Variants in C9orf72 observed in about 807,000 individuals in gnomAD.
The protein encoded by C9orf72 is C9orf72-SMCR8 complex subunit, also known as guanine nucleotide exchange factor C9orf72.
In C9orf72, 44 loss-of-function variants were observed where a neutral mutation model predicts 51.6. The observed-to-expected ratio is 0.85, with a 90% confidence interval of 0.67 to 1.10. The LOEUF (loss-of-function observed/expected upper bound fraction) is 1.10. Ranked by LOEUF, C9orf72 falls within the 50% of genes least tolerant of loss-of-function variation. C9orf72 has a pLI of 0.00. For missense variants in C9orf72, 607 were observed against 570.6 expected (o/e 1.06, Z -0.65); for synonymous variants, 213 against 194.2 (o/e 1.10, Z -0.81).
chr9:27,572,128 C>T (rs1350276151), intron 1 of C9orf72, among the ~76,000 whole-genome samples: 1 of 152,180 alleles, frequency 6.6e-6, no homozygotes, highest in Non-Finnish European at 1.5e-5. Context: ...CATAGCCAAA[C>T]AAAATATTTT....
At chr9:27,555,790 T>C (rs1820996424) in intron 8 of C9orf72, among the ~76,000 whole-genome samples, 1 of 152,098 alleles carries the variant, frequency 6.6e-6, no homozygotes, top group Non-Finnish European at 1.5e-5. Context: ...CTGGAACTCC[T>C]GGCCTCAAGT....
At chr9:27,570,588 G>T (rs543705560) in intron 1 of C9orf72, among the ~76,000 whole-genome samples, 1 of 152,172 alleles carries the variant, frequency 6.6e-6, no homozygotes, top group East Asian at 1.9e-4. Flanking sequence ...AAAATGGGCC[G>T]GGCATGGTGG....
At chr9:27,554,827 ATG>A (rs1271565355) in intron 8 of C9orf72, among the ~76,000 whole-genome samples, 17 of 152,224 alleles carry the variant, frequency 1.1e-4, no homozygotes, top group Admixed American at 9.2e-4. Flanking sequence ...GGACAATTTT[ATG>A]TTTAGAAAAT....
At chr9:27,568,353 C>T (rs962341574) in intron 1 of C9orf72, among the ~76,000 whole-genome samples, 1 of 152,092 alleles carries the variant, frequency 6.6e-6, no homozygotes, top group Admixed American at 6.6e-5. Context: ...ATTTAGAACA[C>T]GTAGAAAACA....
chr9:27,567,762 G>A (rs1819501532), intron 1 of C9orf72, among the ~76,000 whole-genome samples: 1 of 152,126 alleles, frequency 6.6e-6, no homozygotes, highest in Non-Finnish European at 1.5e-5. Context: ...TTTATAAGGA[G>A]AGAGATTTGG....
At chr9:27,563,989 T>C (rs1587315723) in intron 3 of C9orf72, among the ~76,000 whole-genome samples, 2 of 152,020 alleles carry the variant, frequency 1.3e-5, no homozygotes, top group East Asian at 1.9e-4. Flanking sequence ...ATAAAGTCGT[T>C]GTGAGATTTG....
chr9:27,568,420 G>A (rs1587320741), intron 1 of C9orf72, among the ~76,000 whole-genome samples: 3 of 152,170 alleles, frequency 2.0e-5, no homozygotes, highest in Non-Finnish European at 4.4e-5. Context: ...ACAGACATGA[G>A]GAGAAGAACA....
At position 27,560,336 on chromosome 9, in the gene C9orf72, A is replaced by C. The variant is rs1011196541; in HGVS notation, c.666-37T>G. Reference sequence around the variant, plus strand: ...AGAAAACAGATTAAAAACATTGCCTATAAAACAATTTAACAAACTAAAAAC... The same window carrying C: ...AGAAAACAGATTAAAAACATTGCCTCTAAAACAATTTAACAAACTAAAAAC... On this transcript the variant is annotated intron_variant, in intron 5 of 10. Transcript: ENST00000380003. 10 of 1,516,660 alleles carry C rather than the reference A, an allele frequency of 6.6e-6. 1 individual carries two copies. The Middle Eastern group carries it at 7.0e-4, about 107-fold the overall frequency. 94.0% of individuals were successfully genotyped at this position (1,516,660 alleles called of 1,614,324 possible).
intron 1 of C9orf72, chr9:27,571,100 A>G (rs1045697546): frequency 1.3e-5 from 2 of 152,214 alleles, no homozygotes; most frequent in Admixed American, 1.3e-4. Flanking sequence ...AAATCAGCTC[A>G]AAACCAATAG....
At chr9:27,564,400 A>T (rs1819419906) in intron 3 of C9orf72, among the ~76,000 whole-genome samples, 1 of 152,178 alleles carries the variant, frequency 6.6e-6, no homozygotes, top group African/African-American at 2.4e-5. Flanking sequence ...GTTGGTTCTA[A>T]GTTTCCTCAA....
chr9:27,553,102 CATAG>C (rs1308056675), intron 8 of C9orf72, among the ~76,000 whole-genome samples: 2 of 152,084 alleles, frequency 1.3e-5, no homozygotes, highest in Admixed American at 6.5e-5. Flanking sequence ...ATTCCATATT[CATAG>C]ATAGGAAGAA....
rs912288161 is a variant in C9orf72 at position 27,562,469 on chromosome 9, C to T, written c.512G>A (p.Ser171Asn). The change falls in exon 4 of 11, where the codon AGT (serine) becomes AAT (asparagine). Residue 171 changes from serine (S) to asparagine (N), a missense_variant. Transcript: ENST00000380003. Reference protein sequence around the residue: ...GTERMEDQGQSIIPMLTGEVI... With the variant: ...GTERMEDQGQNIIPMLTGEVI... The stretch of plus-strand genomic sequence containing the variant: ...TTCTCCAGTAAGCATTGGAATAATA[C>T]TCTGACCCTGCACAATAAAGTGACA... 18 of 1,553,590 alleles carry T rather than the reference C, an allele frequency of 1.2e-5. No homozygotes were observed. Among genetic ancestry groups the T allele is most frequent in the Middle Eastern group, 1.7e-4 (1 of 5,904 alleles).
Position 27,568,382 on chromosome 9 carries a change from C to T in C9orf72, c.-44-1218G>A, listed in dbSNP as rs145808345. 5.0e-4 allele frequency among the ~76,000 whole-genome samples: 76 copies of T among 152,212 alleles called. No individual in the cohort carries two copies. In the East Asian group the frequency reaches 8.5e-3, roughly 17 times the overall value. On this transcript the variant is annotated intron_variant, in intron 1 of 10. Coordinates refer to ENST00000380003, the MANE Select transcript of C9orf72 (RefSeq NM_018325.5). ...GAAAACAGAAGGGCTAAATAGGGCC[C>T]GTTCAAGCCTTTGAATTTAATGAGA... is the stretch of plus-strand genomic sequence containing the variant.
chr9:27,572,699 C>T (rs766504266), intron 1 of C9orf72, among the ~76,000 whole-genome samples: 1 of 152,114 alleles, frequency 6.6e-6, no homozygotes, highest in African/African-American at 2.4e-5. Flanking sequence ...TGGTGTTCAA[C>T]GCGGCCAGAT....
intron 1 of C9orf72, among the ~76,000 whole-genome samples, chr9:27,570,904 T>C (rs1258661444): frequency 6.7e-6 from 1 of 148,410 alleles, no homozygotes; most frequent in Non-Finnish European, 1.5e-5. Context: ...ACAAAAAGAA[T>C]AAGAAAGAAA....
At chr9:27,549,323 T>C (rs1176533641) in intron 9 of C9orf72, among the ~76,000 whole-genome samples, 1 of 152,192 alleles carries the variant, frequency 6.6e-6, no homozygotes, top group Non-Finnish European at 1.5e-5. Context: ...AAGATGAGCC[T>C]ATGGTTTTGA....
Position 27,548,434 on chromosome 9 carries a change from G to GCA in C9orf72, c.1260-13_1260-12insTG. 1 of 80,730 alleles carries GCA rather than the reference G, an allele frequency of 1.2e-5. No homozygotes were observed. Among genetic ancestry groups the GCA allele is most frequent in the Non-Finnish European group, 1.9e-5 (1 of 52,382 alleles). 5.0% of individuals were successfully genotyped at this position (80,730 alleles called of 1,614,324 possible). A position where few individuals can be genotyped will look rare whatever the true frequency, so the allele number is the denominator to read the frequency against. On this transcript the variant is annotated splice_polypyrimidine_tract_variant and intron_variant, in intron 10 of 10. Transcript: ENST00000380003. The stretch of plus-strand genomic sequence containing the variant: ...TTTTTCCCTTCTGCCTAAAAATAAT[G>GCA]GAAAAAAAAAAAAAAAAAAAAAAAA...
chr9:27,554,402 C>T (rs192327749), intron 8 of C9orf72, among the ~76,000 whole-genome samples: 1 of 152,308 alleles, frequency 6.6e-6, no homozygotes, highest in Non-Finnish European at 1.5e-5. Context: ...AAACCAACTA[C>T]CGCATGTTCT....
At chr9:27,571,232 G>C (rs1563907821) in intron 1 of C9orf72, 1 of 152,142 alleles carries the variant, frequency 6.6e-6, no homozygotes, top group Non-Finnish European at 1.5e-5. Flanking sequence ...TTGCTCACAG[G>C]GTTCATGAGA....
Sources: gnomAD v4.1 joint callset for allele counts (sites outside exome capture counted in the v4.1 genomes callset) on GRCh38, gnomAD v4.1.1 for gene constraint, MANE v1.5 for transcripts, NCBI Gene and HGNC (gene_info 2026-07-23, HGNC 2026-07-21) for gene names.